Variants in SAXO1 observed in about 807,000 individuals in gnomAD.
The protein encoded by SAXO1 is 4930500O09Rik.
Under a neutral mutation model 17.5 loss-of-function variants are expected in SAXO1, and 21 were observed. The ratio of observed to expected loss-of-function variants is 1.20; its 90% CI spans 0.85 to 1.72. The LOEUF (loss-of-function observed/expected upper bound fraction) is 1.72. Ranked by LOEUF, SAXO1 falls within the 40% of genes most tolerant of loss-of-function variation. The pLI is 0.00. For synonymous variants in SAXO1, 274 were observed against 216.5 expected (o/e 1.27, Z -2.33); for missense variants, 843 against 596.0 (o/e 1.41, Z -4.32).
intron 1 of SAXO1, among the ~76,000 whole-genome samples, chr9:18,988,001 C>G (rs1434987088): frequency 6.6e-6 from 1 of 152,154 alleles, no homozygotes; most frequent in Non-Finnish European, 1.5e-5. Flanking sequence ...TTTTCAGGCA[C>G]TGTAATGGTT....
At chr9:18,973,129 C>T (rs1017447975) in intron 1 of SAXO1, among the ~76,000 whole-genome samples, 1 of 152,184 alleles carries the variant, frequency 6.6e-6, no homozygotes, top group Non-Finnish European at 1.5e-5. Flanking sequence ...CAAGTGACCA[C>T]CCAACAGAAT....
At chr9:19,041,128 G>C (rs1010677906) in intron 1 of SAXO1, among the ~76,000 whole-genome samples, 6 of 143,904 alleles carry the variant, frequency 4.2e-5, no homozygotes, top group African/African-American at 1.3e-4. Flanking sequence ...ACGAAAATCA[G>C]GAGCACTTCT....
intron 1 of SAXO1, among the ~76,000 whole-genome samples, chr9:19,023,568 C>G (rs149392361): frequency 2.7e-4 from 41 of 152,284 alleles, no homozygotes; most frequent in African/African-American, 9.6e-4. Context: ...GCTCCACAGT[C>G]TGCGCTTGGA....
intron 1 of SAXO1, among the ~76,000 whole-genome samples, chr9:19,024,012 C>CTTTTTTTTTTTTTTTTTTT (rs71333077): frequency 2.6e-5 from 1 of 38,116 alleles, no homozygotes; most frequent in Non-Finnish European, 4.6e-5. Flanking sequence ...CTCTTTAAGG[C>CTTTTTTTTTTTTTTTTTTT]TTTTTTTTTT....
At chr9:18,952,031 T>G (rs1832058147) in intron 1 of SAXO1, among the ~76,000 whole-genome samples, 1 of 152,232 alleles carries the variant, frequency 6.6e-6, no homozygotes, top group Non-Finnish European at 1.5e-5. Flanking sequence ...ATAGTGAGCT[T>G]TTCCATTTTA....
intron 1 of SAXO1, among the ~76,000 whole-genome samples, chr9:18,978,945 G>A (rs762169047): frequency 2.0e-5 from 3 of 152,104 alleles, no homozygotes; most frequent in African/African-American, 7.2e-5. Context: ...AAATAAGAAA[G>A]ACTCCAAGGC....
At chr9:18,976,120 G>A (rs1323857339) in intron 1 of SAXO1, among the ~76,000 whole-genome samples, 2 of 152,216 alleles carry the variant, frequency 1.3e-5, no homozygotes, top group African/African-American at 2.4e-5. Context: ...ATGCACCCAT[G>A]TGTGCACACA....
At chr9:19,018,296 T>G (rs1835078247) in intron 1 of SAXO1, among the ~76,000 whole-genome samples, 1 of 152,238 alleles carries the variant, frequency 6.6e-6, no homozygotes, top group Non-Finnish European at 1.5e-5. Context: ...GAAAAGCCTC[T>G]TAAAATTCAT....
chr9:18,945,263 GT>G lies in SAXO1; in HGVS notation c.219-3425del, dbSNP rs1222949899. 4.6e-5 allele frequency among the ~76,000 whole-genome samples: 7 copies of G among 152,114 alleles called. No individual in the cohort carries two copies. In the East Asian group the frequency reaches 1.4e-3, roughly 29 times the overall value. On this transcript the variant is annotated intron_variant, in intron 2 of 3. Coordinates refer to ENST00000380534, the MANE Select transcript of SAXO1 (RefSeq NM_153707.4). Reference sequence around the variant, plus strand: ...TCCTGGATACTCCAAGCATCACCTTGTTTTCCAGACCCAACCGCTGCTTCTC... The same window carrying G: ...TCCTGGATACTCCAAGCATCACCTTGTTTCCAGACCCAACCGCTGCTTCTC...
intron 1 of SAXO1, among the ~76,000 whole-genome samples, chr9:19,042,638 G>A (rs1428734784): frequency 1.4e-4 from 21 of 152,094 alleles, no homozygotes; most frequent in Admixed American, 1.2e-3. Context: ...CAAGGCAGGC[G>A]GATCACCAGA....
chr9:18,987,247 C>T (rs141085274), intron 1 of SAXO1, among the ~76,000 whole-genome samples: 96 of 152,274 alleles, frequency 6.3e-4, no homozygotes, highest in African/African-American at 2.2e-3. Flanking sequence ...AGATCTCACC[C>T]CTTCACCCAG....
At chr9:19,008,676 C>A (rs1227070659) in intron 1 of SAXO1, among the ~76,000 whole-genome samples, 1 of 152,182 alleles carries the variant, frequency 6.6e-6, no homozygotes, top group African/African-American at 2.4e-5. Flanking sequence ...TATAATACTT[C>A]TGTGAGGTCT....
intron 2 of SAXO1, among the ~76,000 whole-genome samples, chr9:18,948,572 C>T (rs1209623354): frequency 6.6e-6 from 1 of 152,160 alleles, no homozygotes; most frequent in Admixed American, 6.5e-5. Flanking sequence ...TTTTAAGTGA[C>T]ACAAGGCAAG....
intron 1 of SAXO1, among the ~76,000 whole-genome samples, chr9:18,961,330 C>T (rs1231852982): frequency 6.6e-6 from 1 of 151,792 alleles, no homozygotes; most frequent in Non-Finnish European, 1.5e-5. Flanking sequence ...GCCACCACGC[C>T]TGGCTAATTG....
intron 3 of SAXO1, among the ~76,000 whole-genome samples, chr9:18,940,961 TG>T (rs1352598884): frequency 1.3e-5 from 2 of 152,204 alleles, no homozygotes; most frequent in African/African-American, 2.4e-5. Flanking sequence ...ATATTCTCAT[TG>T]GGGAGGGTAA....
intron 1 of SAXO1, among the ~76,000 whole-genome samples, chr9:18,951,823 T>G (rs1212483889): frequency 6.6e-6 from 1 of 152,246 alleles, no homozygotes; most frequent in African/African-American, 2.4e-5. Context: ...CCTTGTCCAC[T>G]GTTCATCGTA....
Position 19,000,910 on chromosome 9 carries a change from C to T in SAXO1, c.38+31961G>A, listed in dbSNP as rs537316240. On this transcript the variant is annotated intron_variant, in intron 1 of 3. Coordinates refer to ENST00000380534, the MANE Select transcript of SAXO1 (RefSeq NM_153707.4). Reference sequence around the variant, plus strand: ...TAACTATCCTAAATATATATGCACCCAATACAGGAGCACCCAGATTCATAA... The same window carrying T: ...TAACTATCCTAAATATATATGCACCTAATACAGGAGCACCCAGATTCATAA... Among the ~76,000 whole-genome samples, 332 of 152,190 alleles carry T rather than the reference C, an allele frequency of 2.2e-3. 2 individuals carry two copies. Among genetic ancestry groups the T allele is most frequent in the Non-Finnish European group, 2.3e-3 (159 of 68,014 alleles).
At chr9:18,968,517 T>C (rs1832817964) in intron 1 of SAXO1, among the ~76,000 whole-genome samples, 1 of 152,056 alleles carries the variant, frequency 6.6e-6, no homozygotes, top group African/African-American at 2.4e-5. Flanking sequence ...AAATAGAAAG[T>C]GAAAAAAAGT....
chr9:18,991,329 A>G (rs2131842478), intron 1 of SAXO1, among the ~76,000 whole-genome samples: 1 of 152,324 alleles, frequency 6.6e-6, no homozygotes, highest in African/African-American at 2.4e-5. Flanking sequence ...ATGTCCATCA[A>G]TGACAGACTG....
Sources: allele counts gnomAD v4.1 joint callset (sites outside exome capture counted in the v4.1 genomes callset), GRCh38; gene constraint gnomAD v4.1.1; transcripts MANE v1.5; gene names NCBI Gene and HGNC (gene_info 2026-07-23, HGNC 2026-07-21).